Variants in TSNARE1 observed in about 807,000 individuals in gnomAD.
TSNARE1 encodes the protein t-SNARE domain-containing protein 1.
A neutral mutation model predicts 62.0 loss-of-function variants in TSNARE1; 49 were observed. That is an observed-to-expected ratio of 0.79 (90% CI 0.63 to 1.00). The LOEUF (loss-of-function observed/expected upper bound fraction) is 1.00, where lower values mean the gene tolerates loss of function less well. TSNARE1 is among the 50% of genes least tolerant of loss of function. The pLI, the probability that TSNARE1 is intolerant of heterozygous loss-of-function variation, is 0.00. For missense variants in TSNARE1, 755 were observed against 700.1 expected (o/e 1.08, Z -0.88); for synonymous variants, 328 against 294.4 (o/e 1.11, Z -1.17).
intron 11 of TSNARE1, chr8:142,278,255 C>A (rs915114775): frequency 4.1e-6 from 4 of 985,374 alleles, no homozygotes; most frequent in Non-Finnish European, 4.8e-6. Context: ...CCGGCCCACT[C>A]TGCCCATGGG....
At chr8:142,402,205 C>A (rs1214077962) in intron 1 of TSNARE1, among the ~76,000 whole-genome samples, 4 of 152,062 alleles carry the variant, frequency 2.6e-5, no homozygotes, top group Non-Finnish European at 5.9e-5. Context: ...GGATGAGGGG[C>A]GGAGAAGCAC....
At chr8:142,230,962 A>C (rs73362788) in intron 12 of TSNARE1, among the ~76,000 whole-genome samples, 5,557 of 148,360 alleles carry the variant, frequency 0.037, 704 homozygotes, top group African/African-American at 0.12. Context: ...CCATCATCCA[A>C]CCATCCATCC....
intron 11 of TSNARE1, chr8:142,277,519 T>C: frequency 1.0e-6 from 1 of 985,448 alleles, no homozygotes; most frequent in Non-Finnish European, 1.2e-6. Context: ...TCGGGGCAAC[T>C]GGGCCTGCAG....
At chr8:142,234,778 A>G (rs1817320592) in intron 12 of TSNARE1, among the ~76,000 whole-genome samples, 1 of 152,052 alleles carries the variant, frequency 6.6e-6, no homozygotes, top group African/African-American at 2.4e-5. Flanking sequence ...CCAGACATGG[A>G]GAGGGGGAGA....
rs1829057660 is a variant in TSNARE1, at chr8:142,319,041, C to T, written c.894-407G>A. Among the ~76,000 whole-genome samples, 3 of 151,350 alleles carry T rather than the reference C, an allele frequency of 2.0e-5. No individual in the cohort carries two copies. ...GACACACAGCAAGAGGCAGTGGGGGCAGAAAGGCAGGCAGAGAGAGACGGC... is the reference window on the plus strand; with the variant it reads ...GACACACAGCAAGAGGCAGTGGGGGTAGAAAGGCAGGCAGAGAGAGACGGC... On this transcript the variant is annotated intron_variant, in intron 6 of 13. Transcript: ENST00000524325. The surrounding 1 kb of genome is among the most constrained non-coding windows in gnomAD (Gnocchi z 4.9).
chr8:142,325,150 G>C (rs1830017339), intron 6 of TSNARE1, among the ~76,000 whole-genome samples: 1 of 152,256 alleles, frequency 6.6e-6, no homozygotes, highest in Non-Finnish European at 1.5e-5. Context: ...GCAAGGCCTG[G>C]ACTGAGCGGG....
At chr8:142,330,575 C>T (rs1166001448) in intron 6 of TSNARE1, among the ~76,000 whole-genome samples, 1 of 152,252 alleles carries the variant, frequency 6.6e-6, no homozygotes, top group African/African-American at 2.4e-5. Context: ...ACATTTGGAG[C>T]ATGTTGGCAG....
At chr8:142,399,045 C>A (rs914637618) in intron 1 of TSNARE1, among the ~76,000 whole-genome samples, 1 of 152,202 alleles carries the variant, frequency 6.6e-6, no homozygotes, top group African/African-American at 2.4e-5. Flanking sequence ...AGCAGGACAC[C>A]CCGAAGCAAG....
At chr8:142,354,921 A>C (rs1356339758) in intron 1 of TSNARE1, among the ~76,000 whole-genome samples, 158 bp from the exon 2 acceptor site, 11 of 137,978 alleles carry the variant, frequency 8.0e-5, no homozygotes, top group African/African-American at 2.7e-4. Flanking sequence ...ACCAGCCCCC[A>C]AACAGCAACC....
chr8:142,374,197 G>C (rs1341599135), intron 1 of TSNARE1, among the ~76,000 whole-genome samples: 1 of 151,506 alleles, frequency 6.6e-6, no homozygotes, highest in Non-Finnish European at 1.5e-5. Context: ...CCAGCTACTG[G>C]GGAGGCTGAG....
intron 12 of TSNARE1, among the ~76,000 whole-genome samples, chr8:142,272,437 T>C (rs113207935): frequency 0.061 from 4,558 of 74,910 alleles, 73 homozygotes; most frequent in African/African-American, 0.14. Flanking sequence ...TCCACCCGCC[T>C]GTCTACACCT....
chr8:142,277,795 G>A lies in TSNARE1; in HGVS notation c.1364-2932C>T, dbSNP rs973084431. On this transcript the variant is annotated intron_variant, in intron 11 of 13. Coordinates refer to ENST00000524325, the MANE Select transcript of TSNARE1 (RefSeq NM_145003.5). ...AGTCGAGGCTGGGTCTCAGTCTAGG[G>A]CAGGGAACCACAGGGTGAGCAAACC... The A allele has an allele frequency of 4.1e-6, 4 of 985,188 alleles. No individual in the cohort carries two copies. In the African/African-American group the frequency reaches 5.2e-5, roughly 13 times the overall value. The allele number at this position is 985,188 out of a possible 1,614,324, so 61.0% of individuals were successfully genotyped here.
chr8:142,383,878 A>T (rs542896809), intron 1 of TSNARE1, among the ~76,000 whole-genome samples: 7 of 152,342 alleles, frequency 4.6e-5, no homozygotes, highest in Admixed American at 2.0e-4. Context: ...TCCAAGCTTC[A>T]CGTTTAGAAA....
At chr8:142,218,680 C>T (rs978989208) in intron 13 of TSNARE1, among the ~76,000 whole-genome samples, 1 of 152,190 alleles carries the variant, frequency 6.6e-6, no homozygotes, top group Non-Finnish European at 1.5e-5. Flanking sequence ...GGTCCAAATG[C>T]CTGGCTGCCA....
intron 13 of TSNARE1, among the ~76,000 whole-genome samples, chr8:142,223,039 C>CTCAT (rs1554624309): frequency 2.2e-5 from 2 of 92,422 alleles, no homozygotes; most frequent in South Asian, 3.6e-4. Context: ...CACTCATTCA[C>CTCAT]TCACTCACTC....
Position 142,375,537 on chromosome 8 carries a change from C to A in TSNARE1, c.-39-20774G>T, listed in dbSNP as rs140260418. On this transcript the variant is annotated intron_variant, in intron 1 of 13. Coordinates refer to ENST00000524325, the MANE Select transcript of TSNARE1 (RefSeq NM_145003.5). ...GCTCCAAGGGGACCCGCCAGGCAGGCCTGGCAGCAGCTTCCTGAATGCTCA... is the reference window on the plus strand; with the variant it reads ...GCTCCAAGGGGACCCGCCAGGCAGGACTGGCAGCAGCTTCCTGAATGCTCA... Among the ~76,000 whole-genome samples, 632 of 152,314 alleles carry A rather than the reference C, an allele frequency of 4.1e-3. 3 individuals are homozygous for A. Among genetic ancestry groups the A allele is most frequent in the African/African-American group, 0.014 (600 of 41,584 alleles).
At chr8:142,354,598 C>A in intron 2 of TSNARE1, 39 bp downstream of exon 2, 1 of 1,435,898 alleles carries the variant, frequency 7.0e-7, no homozygotes, top group African/African-American at 1.4e-5. Context: ...CCACTACCAT[C>A]CCCTCCTCCC....
intron 1 of TSNARE1, among the ~76,000 whole-genome samples, chr8:142,379,557 C>T (rs777103961): frequency 6.6e-6 from 1 of 152,236 alleles, no homozygotes; most frequent in Admixed American, 6.5e-5. Context: ...CTTACACCTT[C>T]GTTTCCTAAT....
intron 1 of TSNARE1, among the ~76,000 whole-genome samples, chr8:142,391,634 GC>G (rs1837539017): frequency 6.6e-6 from 1 of 152,216 alleles, no homozygotes; most frequent in African/African-American, 2.4e-5. Flanking sequence ...TCATCCAGAC[GC>G]GGGTGCTCAC....
Sources: allele counts gnomAD v4.1 joint callset (sites outside exome capture counted in the v4.1 genomes callset), GRCh38; gene constraint gnomAD v4.1.1; non-coding constraint Gnocchi (gnomAD v3.1); transcripts MANE v1.5; gene names NCBI Gene and HGNC (gene_info 2026-07-23, HGNC 2026-07-21).